The following DISC1 variants were observed in gnomAD, a reference collection of about 807,000 sequenced individuals.
DISC1 encodes the protein disrupted in schizophrenia 1 protein.
DISC1 carries 57 observed loss-of-function variants against 84.5 expected under a neutral mutation model. The observed-to-expected ratio is 0.67, with a 90% CI of 0.55 to 0.84. The LOEUF is 0.84. Among genes scored for constraint, DISC1 ranks in the 40% least tolerant of loss-of-function variants. The probability of loss-of-function intolerance (pLI) is 0.00; values close to 1 mark genes in which losing one functional copy is unlikely to be tolerated. For synonymous variants in DISC1, 411 were observed against 415.2 expected, an observed-to-expected ratio of 0.99 and a Z score of 0.12; for missense variants, 1,000 against 1,057.8, an observed-to-expected ratio of 0.95 and a Z score of 0.76.
intron 3 of DISC1, among the ~76,000 whole-genome samples, chr1:231,739,599 C>T (rs1393797128): frequency 2.0e-5 from 3 of 152,164 alleles, no homozygotes; most frequent in Non-Finnish European, 4.4e-5. Context: ...ACGAGAAGGC[C>T]CATTTATGAT....
At chr1:231,795,048 A>G (rs1175192217) in intron 6 of DISC1, among the ~76,000 whole-genome samples, 194 bp from the exon 7 acceptor site, 1 of 152,178 alleles carries the variant, frequency 6.6e-6, no homozygotes, top group Non-Finnish European at 1.5e-5. Context: ...AAGGCATAAT[A>G]AGGGAGGAAA....
chr1:231,851,623 G>C (rs977391370), intron 9 of DISC1, among the ~76,000 whole-genome samples: 2 of 152,194 alleles, frequency 1.3e-5, no homozygotes, highest in Admixed American at 1.3e-4. Flanking sequence ...GGTGCCAAAG[G>C]CTGTGGCGGA....
At chr1:231,982,843 G>A (rs1663812451) in intron 10 of DISC1, among the ~76,000 whole-genome samples, 1 of 152,186 alleles carries the variant, frequency 6.6e-6, no homozygotes, top group South Asian at 2.1e-4. Context: ...AGGAGGTGAG[G>A]CCAAAGTGTG....
intron 12 of DISC1, among the ~76,000 whole-genome samples, chr1:232,028,746 C>T (rs1212983021): frequency 6.6e-6 from 1 of 152,178 alleles, no homozygotes; most frequent in South Asian, 2.1e-4. Flanking sequence ...GTATATTAGT[C>T]ACAAGCTCCA....
intron 10 of DISC1, among the ~76,000 whole-genome samples, chr1:231,994,467 C>G (rs1392802017): frequency 6.6e-6 from 1 of 152,154 alleles, no homozygotes; most frequent in Admixed American, 6.5e-5. Flanking sequence ...CCAAGGTCAG[C>G]CCAGATTCAA....
At chr1:231,938,151 AT>A (rs2091094742) in intron 9 of DISC1, among the ~76,000 whole-genome samples, 1 of 152,092 alleles carries the variant, frequency 6.6e-6, no homozygotes, top group African/African-American at 2.4e-5. Context: ...CCATGCCCTT[AT>A]CCCCAGAACC....
chr1:231,712,657 A>T (rs1008289007), intron 3 of DISC1, among the ~76,000 whole-genome samples: 1 of 152,204 alleles, frequency 6.6e-6, no homozygotes, highest in Non-Finnish European at 1.5e-5. Flanking sequence ...TTACAGAGGG[A>T]CTAGAGAAGA....
At chr1:231,734,260 T>A (rs2125214397) in intron 3 of DISC1, among the ~76,000 whole-genome samples, 1 of 152,158 alleles carries the variant, frequency 6.6e-6, no homozygotes, top group South Asian at 2.1e-4. Context: ...GTAGCAAAAA[T>A]TCAGTTGGTC....
chr1:231,986,027 A>G (rs1406575324), intron 10 of DISC1, among the ~76,000 whole-genome samples: 1 of 152,236 alleles, frequency 6.6e-6, no homozygotes, highest in Non-Finnish European at 1.5e-5. Flanking sequence ...GGTAACTCTG[A>G]GCAAATACCA....
intron 3 of DISC1, among the ~76,000 whole-genome samples, chr1:231,727,976 G>A (rs1408741202): frequency 6.6e-6 from 1 of 151,698 alleles, no homozygotes; most frequent in East Asian, 1.9e-4. Flanking sequence ...GTAGGGGGGT[G>A]GTAAGAAAAA....
intron 9 of DISC1, chr1:231,818,823 T>G: frequency 8.5e-7 from 1 of 1,169,968 alleles, no homozygotes; most frequent in Non-Finnish European, 1.1e-6. Flanking sequence ...TTGAGCATTT[T>G]CTTTGTGTGA....
rs1415676619 is a variant in DISC1 at position 232,031,272 on chromosome 1, AAG to A, written c.2425+4722_2425+4723del. 2.0e-5 allele frequency among the ~76,000 whole-genome samples: 3 copies of A among 147,138 alleles called. No individual in the cohort carries two copies. In the East Asian group the frequency reaches 5.9e-4, roughly 29 times the overall value. On this transcript the variant is annotated intron_variant, in intron 12 of 12. Coordinates refer to ENST00000439617, the MANE Select transcript of DISC1 (RefSeq NM_018662.3). This position sits in a 1 kb window ranked among gnomAD's most constrained non-coding sequence, Gnocchi z 4.6. ...AAGGAAGGAGAAAGAAAGATAAAGA[AAG>A]AAAAAGAAAGAAAAGAGGAAGGAAG...
chr1:231,929,643 CAG>C (rs1368177742), intron 9 of DISC1, among the ~76,000 whole-genome samples: 2 of 152,198 alleles, frequency 1.3e-5, no homozygotes, highest in Non-Finnish European at 1.5e-5. Flanking sequence ...GACAAGCAAA[CAG>C]ATGATTTTTG....
At chr1:231,994,142 A>C (rs1037675954) in intron 10 of DISC1, among the ~76,000 whole-genome samples, 2 of 152,200 alleles carry the variant, frequency 1.3e-5, no homozygotes, top group African/African-American at 4.8e-5. Flanking sequence ...GTGAGTCATA[A>C]ATTTGGGAAG....
intron 6 of DISC1, among the ~76,000 whole-genome samples, chr1:231,791,185 C>A (rs770323216): frequency 6.6e-6 from 1 of 152,192 alleles, no homozygotes; most frequent in African/African-American, 2.4e-5. Context: ...ATTTACAAAT[C>A]ATGATATTGA....
intron 9 of DISC1, among the ~76,000 whole-genome samples, chr1:231,849,122 A>ATTTTT (rs35286886): frequency 2.1e-5 from 3 of 141,520 alleles, no homozygotes; most frequent in East Asian, 2.1e-4. Flanking sequence ...TATTATCCTC[A>ATTTTT]TTTTTTTTTT....
chr1:231,718,398 C>T (rs961381578), intron 3 of DISC1, among the ~76,000 whole-genome samples: 6 of 151,274 alleles, frequency 4.0e-5, no homozygotes, highest in Non-Finnish European at 8.8e-5. Flanking sequence ...AACTTCATTT[C>T]TTGCCATTCC....
intron 9 of DISC1, among the ~76,000 whole-genome samples, chr1:231,855,553 A>G (rs1434031373): frequency 6.6e-6 from 1 of 152,172 alleles, no homozygotes. Context: ...TTGCATTTAC[A>G]ACATAAAGCC....
intron 10 of DISC1, among the ~76,000 whole-genome samples, chr1:231,985,861 G>T (rs549383802): frequency 6.6e-6 from 1 of 152,290 alleles, no homozygotes; most frequent in South Asian, 2.1e-4. Context: ...TAAGTGCTAT[G>T]TTTGGTTTCA....
Sources: gnomAD v4.1 joint callset for allele counts (sites outside exome capture counted in the v4.1 genomes callset) on GRCh38, gnomAD v4.1.1 for gene constraint, Gnocchi (gnomAD v3.1) non-coding constraint, MANE v1.5 for transcripts, NCBI Gene and HGNC (gene_info 2026-07-23, HGNC 2026-07-21) for gene names.